The following ADAP1 variants were observed in gnomAD, a reference collection of about 807,000 sequenced individuals.
ADAP1 encodes ArfGAP with dual PH domains 1, also known as arf-GAP with dual PH domain-containing protein 1.
A neutral mutation model predicts 54.9 loss-of-function variants in ADAP1; 31 were observed. That is an observed-to-expected ratio of 0.56 (90% CI 0.42 to 0.76). ADAP1 has a LOEUF of 0.76. Among genes scored for constraint, ADAP1 ranks in the 30% least tolerant of loss-of-function variants. ADAP1 has a pLI of 0.00. For synonymous variants in ADAP1, 313 were observed against 202.6 expected (o/e 1.55, Z -4.63); for missense variants, 535 against 512.4 (o/e 1.04, Z -0.42).
chr7:951,157 G>A (rs7800884), intron 1 of ADAP1, among the ~76,000 whole-genome samples: 29 of 152,164 alleles, frequency 1.9e-4, no homozygotes, highest in South Asian at 1.0e-3. Flanking sequence ...GGTGGATCAC[G>A]AGGTCAGGAG....
chr7:905,308 C>CGGGCGG (rs1562911276), intron 4 of ADAP1, 136 bp from the exon 5 acceptor site: 5 of 390,552 alleles, frequency 1.3e-5, no homozygotes, highest in South Asian at 2.3e-5. Context: ...CAGGGGGAGA[C>CGGGCGG]GGACGGGGAG....
chr7:901,293 C>A, intron 6 of ADAP1: 1 of 329,198 alleles, frequency 3.0e-6, no homozygotes, highest in Non-Finnish European at 6.0e-6. Flanking sequence ...TGGGGTCTGC[C>A]CAGACCCTTG....
At chr7:930,988 A>G (rs1159874170) in intron 2 of ADAP1, among the ~76,000 whole-genome samples, 2 of 151,214 alleles carry the variant, frequency 1.3e-5, no homozygotes, top group Non-Finnish European at 3.0e-5. Flanking sequence ...TCAAAAAAAA[A>G]AAAAAAGAGA....
intron 6 of ADAP1, 23 bp downstream of exon 6, chr7:904,103 C>A: frequency 6.2e-7 from 1 of 1,610,806 alleles, no homozygotes; most frequent in Non-Finnish European, 8.5e-7. Flanking sequence ...GCCACCCGGG[C>A]CCGAGTGCTC....
At chr7:906,643 G>GAGAAAGGAGAAAGGGAAAGGA (rs58732898) in intron 4 of ADAP1, among the ~76,000 whole-genome samples, 1 of 91,562 alleles carries the variant, frequency 1.1e-5, no homozygotes, top group African/African-American at 5.8e-5. Flanking sequence ...AAGGAGAAAG[G>GAGAAAGGAGAAAGGGAAAGGA]GAAAGGAGAA....
At chr7:954,039 GC>G (rs1441495620) in intron 1 of ADAP1, among the ~76,000 whole-genome samples, 1 of 152,174 alleles carries the variant, frequency 6.6e-6, no homozygotes, top group African/African-American at 2.4e-5. Context: ...CCTCCCTGCA[GC>G]CAGCCCCGAT....
At position 946,807 on chromosome 7, in the gene ADAP1, A is replaced by T. The variant is rs928149687; in HGVS notation, c.82+7589T>A. Among the ~76,000 whole-genome samples, 2 of 152,220 alleles carry T rather than the reference A, an allele frequency of 1.3e-5. No homozygotes were observed. The highest frequency in any genetic ancestry group is 4.8e-5 in the African/African-American group (2 of 41,456). On this transcript the variant is annotated intron_variant, in intron 1 of 10. Transcript: ENST00000265846. The surrounding 1 kb of genome is among the most constrained non-coding windows in gnomAD (Gnocchi z 4.3). The stretch of plus-strand genomic sequence containing the variant: ...GAGGTGGTGGTTGAACAGCATGGAG[A>T]ACGTTCTAAATGCCACTGAATTTTC...
At position 899,438 on chromosome 7, in the gene ADAP1, A is replaced by G; in HGVS notation, c.848T>C (p.Met283Thr). 1.9e-6 allele frequency: 3 copies of G among 1,613,156 alleles called. No homozygotes were observed. The highest frequency in any genetic ancestry group is 2.5e-6 in the Non-Finnish European group (3 of 1,179,916). The change falls in exon 9 of 11, where the codon ATG becomes ACG. Residue 283 changes from methionine to threonine, a missense_variant. Coordinates refer to ENST00000265846, the MANE Select transcript of ADAP1 (RefSeq NM_006869.4). ...RWFTMDDRRL[M>T]YFKDPLDAFA... ...CCTTACCAGGGGGTCTTTGAAGTAC[A>G]TGAGCCTGCGGTCATCCATGGTGAA...
At chr7:899,310 C>G (rs371646334) in intron 9 of ADAP1, 49 bp from the exon 10 acceptor site, 8 of 1,607,964 alleles carry the variant, frequency 5.0e-6, no homozygotes, top group African/African-American at 1.3e-5. Context: ...CTTCCAGCCC[C>G]GCTTCACTCA....
At chr7:910,044 G>A (rs570827103) in intron 4 of ADAP1, among the ~76,000 whole-genome samples, 4 of 151,036 alleles carry the variant, frequency 2.6e-5, no homozygotes, top group African/African-American at 7.2e-5. Context: ...CATGACCCAC[G>A]AGAACGGCAA....
At chr7:903,106 G>C (rs1440325912) in intron 6 of ADAP1, among the ~76,000 whole-genome samples, 1 of 152,158 alleles carries the variant, frequency 6.6e-6, no homozygotes, top group African/African-American at 2.4e-5. Flanking sequence ...CAGGCTCCTG[G>C]TGCCCGACTG....
intron 1 of ADAP1, among the ~76,000 whole-genome samples, chr7:941,533 C>T (rs779804990): frequency 2.6e-5 from 4 of 152,034 alleles, no homozygotes; most frequent in Admixed American, 6.6e-5. Context: ...AGAAATTGAA[C>T]ATTTAAAAAT....
At chr7:942,236 A>AT (rs1846957014) in intron 1 of ADAP1, among the ~76,000 whole-genome samples, 1 of 152,170 alleles carries the variant, frequency 6.6e-6, no homozygotes, top group South Asian at 2.1e-4. Context: ...TTAGGCAAAG[A>AT]TTTTTTTCAG....
At chr7:899,792 C>T (rs888003571) in intron 8 of ADAP1, among the ~76,000 whole-genome samples, 1 of 152,188 alleles carries the variant, frequency 6.6e-6, no homozygotes, top group Non-Finnish European at 1.5e-5. Flanking sequence ...CCAAGACTCC[C>T]AGGATTTGTG....
rs1844626186 is a variant in ADAP1 at position 898,717 on chromosome 7, TCAGGCC to T, written c.*198_*203del. The stretch of plus-strand genomic sequence containing the variant: ...AGCAGCAGCATGACGGGGTTAGAGA[TCAGGCC>T]CAGGGCCTGGGCTGCCTGCCTTGAG... On this transcript the variant is annotated 3_prime_UTR_variant, in exon 11 of 11. Coordinates refer to ENST00000265846, the MANE Select transcript of ADAP1 (RefSeq NM_006869.4). The T allele has an allele frequency of 1.5e-6, 1 of 652,422 alleles. No individual in the cohort carries two copies. The highest frequency in any genetic ancestry group is 2.6e-6 in the Non-Finnish European group (1 of 381,104). 40.4% of individuals were successfully genotyped at this position (652,422 alleles called of 1,614,324 possible).
chr7:932,396 C>T (rs1846614140), intron 2 of ADAP1, among the ~76,000 whole-genome samples: 1 of 152,208 alleles, frequency 6.6e-6, no homozygotes, highest in African/African-American at 2.4e-5. Context: ...ACCCCTGGGC[C>T]CTTGCCCCGT....
chr7:947,712 G>A (rs1164431169), intron 1 of ADAP1, among the ~76,000 whole-genome samples: 1 of 152,074 alleles, frequency 6.6e-6, no homozygotes, highest in Non-Finnish European at 1.5e-5. Context: ...CTCGGTCACT[G>A]CAGCAGCGTC....
chr7:908,523 C>T (rs1457461779), intron 4 of ADAP1, among the ~76,000 whole-genome samples: 3 of 152,198 alleles, frequency 2.0e-5, no homozygotes, highest in African/African-American at 4.8e-5. Context: ...GAGCCCCCTT[C>T]CCATGGAAGA....
At chr7:952,253 C>T (rs1392812781) in intron 1 of ADAP1, among the ~76,000 whole-genome samples, 1 of 152,206 alleles carries the variant, frequency 6.6e-6, no homozygotes, top group Non-Finnish European at 1.5e-5. Flanking sequence ...AGACTGCTTC[C>T]CTCACACGGC....
Sources: allele counts gnomAD v4.1 joint callset (sites outside exome capture counted in the v4.1 genomes callset), GRCh38; gene constraint gnomAD v4.1.1; non-coding constraint Gnocchi (gnomAD v3.1); transcripts MANE v1.5; gene names NCBI Gene and HGNC (gene_info 2026-07-23, HGNC 2026-07-21).